The following MANBA variants were observed in gnomAD, a reference collection of about 807,000 sequenced individuals.
The protein encoded by MANBA is beta-mannosidase.
Under a neutral mutation model 111.1 loss-of-function variants are expected in MANBA, and 83 were observed. The observed-to-expected ratio is 0.75, with a 90% CI of 0.63 to 0.90. The LOEUF (loss-of-function observed/expected upper bound fraction) is 0.90, where lower values mean the gene tolerates loss of function less well. Among genes scored for constraint, MANBA ranks in the 40% least tolerant of loss-of-function variants. The pLI, the probability that MANBA is intolerant of heterozygous loss-of-function variation, is 0.00. For missense variants in MANBA, 1,036 were observed against 1,069.0 expected, an observed-to-expected ratio of 0.97 and a Z score of 0.43; for synonymous variants, 370 against 378.7, an observed-to-expected ratio of 0.98 and a Z score of 0.27.
chr4:102,697,442 G>C (rs112042195), intron 5 of MANBA, among the ~76,000 whole-genome samples: 4,170 of 151,580 alleles, frequency 0.028, 134 homozygotes, highest in African/African-American at 0.077. Context: ...TGCCATGCTG[G>C]TGCGCTGCAC....
chr4:102,696,336 G>T (rs555414305), intron 5 of MANBA, among the ~76,000 whole-genome samples: 1 of 152,192 alleles, frequency 6.6e-6, no homozygotes, highest in South Asian at 2.1e-4. Flanking sequence ...TCAAAATACT[G>T]TCTTTGTAAC....
chr4:102,715,746 T>TA (rs1304685481), intron 4 of MANBA, among the ~76,000 whole-genome samples: 3 of 152,222 alleles, frequency 2.0e-5, no homozygotes, highest in Non-Finnish European at 4.4e-5. Flanking sequence ...AGTTTTGGCA[T>TA]AATTTGTTAC....
intron 1 of MANBA, among the ~76,000 whole-genome samples, chr4:102,734,000 A>G (rs1723119784): frequency 2.0e-5 from 3 of 152,248 alleles, no homozygotes; most frequent in African/African-American, 7.2e-5. Flanking sequence ...TATGGCACGG[A>G]AATTATTCTT....
intron 5 of MANBA, among the ~76,000 whole-genome samples, chr4:102,699,184 T>C (rs1217310967): frequency 2.0e-5 from 3 of 152,108 alleles, no homozygotes; most frequent in Non-Finnish European, 2.9e-5. Flanking sequence ...ATAAGAATGC[T>C]TGTGATTTAT....
rs56345161 is a variant in MANBA, at chr4:102,716,309, CAAAAAAAAAAAAA to C, written c.550-1761_550-1749del. ...GGGCAACAAGAGTGAAACTCAGTCTCAAAAAAAAAAAAAAAAAAAAAAAAAAGAATGAGGAAAC... is the reference window on the plus strand; with the variant it reads ...GGGCAACAAGAGTGAAACTCAGTCTCAAAAAAAAAAAAAGAATGAGGAAAC... On this transcript the variant is annotated intron_variant, in intron 4 of 16. Coordinates refer to ENST00000647097, the MANE Select transcript of MANBA (RefSeq NM_005908.4). Among the ~76,000 whole-genome samples, 23 of 39,114 alleles carry C rather than the reference CAAAAAAAAAAAAA, an allele frequency of 5.9e-4. 1 individual carries two copies. The highest frequency in any genetic ancestry group is 1.5e-3 in the South Asian group (1 of 660). 25.7% of individuals were successfully genotyped at this position (39,114 alleles called of 152,430 possible). A position where few individuals can be genotyped will look rare whatever the true frequency, so the allele number is the denominator to read the frequency against.
At chr4:102,759,969 C>A (rs916745931) in intron 1 of MANBA, among the ~76,000 whole-genome samples, 3 of 152,056 alleles carry the variant, frequency 2.0e-5, no homozygotes, top group Non-Finnish European at 2.9e-5. Flanking sequence ...GAACGCTGTG[C>A]AAGAGGGAAC....
chr4:102,693,436 A>G (rs1440194620), intron 5 of MANBA, among the ~76,000 whole-genome samples: 1 of 152,204 alleles, frequency 6.6e-6, no homozygotes, highest in Non-Finnish European at 1.5e-5. Flanking sequence ...TTATAAGAAG[A>G]GGAAGAAACA....
chr4:102,662,461 C>T (rs1193051309), intron 11 of MANBA: 1 of 150,106 alleles, frequency 6.7e-6, no homozygotes, highest in Non-Finnish European at 1.5e-5. Context: ...GGGAGAATTG[C>T]TTGAACCCAG....
intron 7 of MANBA, among the ~76,000 whole-genome samples, chr4:102,683,979 T>C (rs1732095791): frequency 6.6e-6 from 1 of 152,114 alleles, no homozygotes; most frequent in Non-Finnish European, 1.5e-5. Flanking sequence ...CCCTTTCCTC[T>C]CTCTCAAGTG....
At chr4:102,675,528 C>A (rs1170095842) in intron 7 of MANBA, among the ~76,000 whole-genome samples, 1 of 152,280 alleles carries the variant, frequency 6.6e-6, no homozygotes, top group South Asian at 2.1e-4. Flanking sequence ...TCAATAAATT[C>A]TTACTTTGAA....
chr4:102,701,673 T>C (rs1477788085), intron 5 of MANBA, among the ~76,000 whole-genome samples: 2 of 151,952 alleles, frequency 1.3e-5, no homozygotes, highest in Non-Finnish European at 2.9e-5. Flanking sequence ...TCTTTAAGAA[T>C]GTTGAATATT....
At chr4:102,747,158 G>GATAT (rs144093849) in intron 1 of MANBA, among the ~76,000 whole-genome samples, 1,878 of 145,460 alleles carry the variant, frequency 0.013, 89 homozygotes, top group African/African-American at 0.047. Context: ...GAACTAATGG[G>GATAT]ATATATATAT....
At chr4:102,719,822 G>A (rs1483419710) in intron 4 of MANBA, among the ~76,000 whole-genome samples, 2 of 152,152 alleles carry the variant, frequency 1.3e-5, no homozygotes, top group Non-Finnish European at 2.9e-5. Flanking sequence ...TCCAACTCAG[G>A]TGTCTTCCCA....
chr4:102,752,712 T>C (rs769772110), intron 1 of MANBA: 8 of 425,352 alleles, frequency 1.9e-5, no homozygotes, highest in Non-Finnish European at 3.3e-5. Context: ...GAAATTATAC[T>C]GATGCAGATG....
intron 1 of MANBA, chr4:102,729,123 C>T (rs1430431811): frequency 1.2e-5 from 9 of 731,066 alleles, no homozygotes; most frequent in East Asian, 2.7e-5. Context: ...GACAGCTTGG[C>T]GTTGGCATCC....
At chr4:102,686,300 T>C (rs1280698689) in intron 7 of MANBA, among the ~76,000 whole-genome samples, 1 of 152,188 alleles carries the variant, frequency 6.6e-6, no homozygotes, top group African/African-American at 2.4e-5. Flanking sequence ...TTAGCTCCAA[T>C]TTGAATCCAC....
chr4:102,728,229 C>A (rs1722885853), intron 1 of MANBA: 1 of 536,702 alleles, frequency 1.9e-6, no homozygotes, highest in East Asian at 5.3e-5. Flanking sequence ...AGCCTTTTTT[C>A]TTTGGCAGCA....
At chr4:102,719,092 C>G (rs777679234) in intron 4 of MANBA, among the ~76,000 whole-genome samples, 50 of 152,102 alleles carry the variant, frequency 3.3e-4, no homozygotes, top group Admixed American at 3.2e-3. Flanking sequence ...CTGGAATTTC[C>G]CAATCCTAGT....
chr4:102,653,987 T>C (rs1392877502), intron 12 of MANBA, among the ~76,000 whole-genome samples: 2 of 152,154 alleles, frequency 1.3e-5, no homozygotes, highest in Non-Finnish European at 2.9e-5. Flanking sequence ...CTCACTCTTT[T>C]ATTAGACAAT....
Sources: allele counts gnomAD v4.1 joint callset (sites outside exome capture counted in the v4.1 genomes callset), GRCh38; gene constraint gnomAD v4.1.1; transcripts MANE v1.5; gene names NCBI Gene and HGNC (gene_info 2026-07-23, HGNC 2026-07-21).